Variants in SH3BGRL observed in about 807,000 individuals in gnomAD.
SH3BGRL encodes adapter SH3BGRL.
A neutral mutation model predicts 9.8 loss-of-function variants in SH3BGRL; 7 were observed. The observed-to-expected ratio is 0.72, with a 90% confidence interval of 0.41 to 1.35. SH3BGRL has a LOEUF of 1.35. Ranked by LOEUF, SH3BGRL falls within the 40% of genes most tolerant of loss-of-function variation. The probability of loss-of-function intolerance (pLI) is 0.01; values close to 1 mark genes in which losing one functional copy is unlikely to be tolerated. For missense variants in SH3BGRL, 73 were observed against 84.4 expected, an observed-to-expected ratio of 0.86 and a Z score of 0.53; for synonymous variants, 36 against 29.1, an observed-to-expected ratio of 1.24 and a Z score of -0.76.
At chrX:81,239,034 G>A (rs751841769) in intron 1 of SH3BGRL, among the ~76,000 whole-genome samples, 30 of 111,719 alleles carry the variant, frequency 2.7e-4, no homozygotes, top group Non-Finnish European at 4.3e-4. Context: ...TTGAATATCT[G>A]GAGAGCTTTT....
At position 81,227,778 on chromosome X, in the gene SH3BGRL, G is replaced by A. The variant is rs201540556; in HGVS notation, c.45+25533G>A. Among the ~76,000 whole-genome samples, 4 of 111,626 alleles carry A rather than the reference G, an allele frequency of 3.6e-5. No homozygotes were observed. The East Asian group carries it at 1.1e-3, about 31-fold the overall frequency. On this transcript the variant is annotated intron_variant, in intron 1 of 3. Coordinates refer to ENST00000373212, the MANE Select transcript of SH3BGRL (RefSeq NM_003022.3). Reference sequence around the variant, plus strand: ...ATAATTCTTGTAAGCCGAATGTGCTGTTACATAGCCTAAACCAAGAATGGG... The same window carrying A: ...ATAATTCTTGTAAGCCGAATGTGCTATTACATAGCCTAAACCAAGAATGGG...
In SH3BGRL at chrX:81,207,359, G is replaced by T. The variant is rs766992654; in HGVS notation, c.45+5114G>T. 1.1e-4 allele frequency among the ~76,000 whole-genome samples: 12 copies of T among 112,204 alleles called. No individual in the cohort carries two copies. The South Asian group carries it at 2.6e-3, about 24-fold the overall frequency. ...ACAGAAGCTAGTTGTAGCTTGGATT[G>T]TTCACAAATATACATAATTTTTCTC... On this transcript the variant is annotated intron_variant, in intron 1 of 3. Coordinates refer to ENST00000373212, the MANE Select transcript of SH3BGRL (RefSeq NM_003022.3).
intron 1 of SH3BGRL, among the ~76,000 whole-genome samples, chrX:81,207,637 T>C (rs956520971): frequency 8.9e-6 from 1 of 112,288 alleles, no homozygotes; most frequent in Non-Finnish European, 1.9e-5. Context: ...GTTTGAATGT[T>C]GTTTAAAGGT....
chrX:81,263,805 G>T (rs2075748170), intron 1 of SH3BGRL, among the ~76,000 whole-genome samples: 1 of 111,167 alleles, frequency 9.0e-6, no homozygotes, highest in South Asian at 3.8e-4. Context: ...AACAGAAAGG[G>T]TCTGATGCCT....
At chrX:81,202,371 C>A (rs2075530848) in intron 1 of SH3BGRL, 126 bp downstream of exon 1, 2 of 943,707 alleles carry the variant, frequency 2.1e-6, no homozygotes, top group Non-Finnish European at 1.3e-6. Context: ...CATCCCCGAT[C>A]CCACCCTTCT....
At chrX:81,263,472 CTA>C (rs1274508616) in intron 1 of SH3BGRL, among the ~76,000 whole-genome samples, 2 of 111,863 alleles carry the variant, frequency 1.8e-5, no homozygotes, top group African/African-American at 3.2e-5. Context: ...TAAGACAAGA[CTA>C]TGTGGGGACG....
At chrX:81,249,274 G>A (rs2075701566) in intron 1 of SH3BGRL, among the ~76,000 whole-genome samples, 2 of 111,943 alleles carry the variant, frequency 1.8e-5, no homozygotes, top group South Asian at 7.4e-4. Flanking sequence ...CCAACCAATG[G>A]ACCAGTAAAT....
intron 1 of SH3BGRL, among the ~76,000 whole-genome samples, chrX:81,248,319 A>G (rs906227944): frequency 1.8e-5 from 2 of 112,089 alleles, no homozygotes; most frequent in African/African-American, 6.5e-5. Context: ...CAATACAGCT[A>G]GGTATATACT....
chrX:81,279,929 C>CT (rs1239279961), intron 3 of SH3BGRL, among the ~76,000 whole-genome samples: 1 of 111,449 alleles, frequency 9.0e-6, no homozygotes, highest in Non-Finnish European at 1.9e-5. Context: ...GGTGGATAGC[C>CT]TTGGGTGAAT....
At chrX:81,263,010 A>G (rs918101476) in intron 1 of SH3BGRL, among the ~76,000 whole-genome samples, 9 of 111,647 alleles carry the variant, frequency 8.1e-5, no homozygotes. Context: ...ATTGGCAAAC[A>G]TTGGTACTCT....
chrX:81,225,542 G>T (rs2075614153), intron 1 of SH3BGRL, among the ~76,000 whole-genome samples: 1 of 111,259 alleles, frequency 9.0e-6, no homozygotes, highest in African/African-American at 3.3e-5. Context: ...AATTCACTTA[G>T]GATAATGGGA....
intron 1 of SH3BGRL, among the ~76,000 whole-genome samples, chrX:81,260,130 G>T (rs369559430): frequency 8.9e-6 from 1 of 111,790 alleles, no homozygotes. Flanking sequence ...TTAGAATTAA[G>T]CATAATGCAA....
chrX:81,202,280 C>T (rs1179052036), intron 1 of SH3BGRL, 35 bp downstream of exon 1: 67 of 1,163,684 alleles, frequency 5.8e-5, no homozygotes, highest in Non-Finnish European at 7.4e-5. Context: ...TTGTTGTTTT[C>T]CTACACACCA....
intron 1 of SH3BGRL, among the ~76,000 whole-genome samples, chrX:81,252,996 A>G (rs2075715370): frequency 8.9e-6 from 1 of 112,335 alleles, no homozygotes; most frequent in Non-Finnish European, 1.9e-5. Context: ...TTCAATAAGG[A>G]TTCTATGTTA....
chrX:81,295,855 A>G (rs1280138476), intron 3 of SH3BGRL, among the ~76,000 whole-genome samples: 1 of 111,014 alleles, frequency 9.0e-6, no homozygotes, highest in African/African-American at 3.3e-5. Context: ...GAAGCTCCAA[A>G]CTTTCCATCA....
Position 81,283,990 on chromosome X carries a change from A to G in SH3BGRL, c.312+5579A>G, listed in dbSNP as rs747554614. On this transcript the variant is annotated intron_variant, in intron 3 of 3. Transcript: ENST00000373212. ...CAAAATTTCCAGATCCAAGATTAATATACACAAATCAGTAGCTCTTCTATA... is the reference window on the plus strand; with the variant it reads ...CAAAATTTCCAGATCCAAGATTAATGTACACAAATCAGTAGCTCTTCTATA... Among the ~76,000 whole-genome samples the G allele has an allele frequency of 2.7e-5, 3 of 111,137 alleles. No individual in the cohort carries two copies. In the South Asian group the frequency reaches 1.1e-3, roughly 42 times the overall value.
intron 1 of SH3BGRL, among the ~76,000 whole-genome samples, chrX:81,241,939 G>T (rs934353676): frequency 1.8e-5 from 2 of 112,452 alleles, no homozygotes; most frequent in African/African-American, 3.2e-5. Context: ...CTGGCTGGGC[G>T]CAGTGTCTGG....
chrX:81,291,475 C>G (rs755053133), intron 3 of SH3BGRL, among the ~76,000 whole-genome samples: 1 of 111,460 alleles, frequency 9.0e-6, no homozygotes, highest in Non-Finnish European at 1.9e-5. Flanking sequence ...TCACCAGGCC[C>G]CTCCTCCAAC....
At chrX:81,209,527 G>T (rs923724227) in intron 1 of SH3BGRL, among the ~76,000 whole-genome samples, 2 of 111,755 alleles carry the variant, frequency 1.8e-5, no homozygotes, top group African/African-American at 6.5e-5. Context: ...TGAAGAGCTA[G>T]AAATGACAGG....
Sources: allele counts gnomAD v4.1 joint callset (sites outside exome capture counted in the v4.1 genomes callset), GRCh38; gene constraint gnomAD v4.1.1; transcripts MANE v1.5; gene names NCBI Gene and HGNC (gene_info 2026-07-23, HGNC 2026-07-21).